PLK2: variants seen among roughly 807,000 people sequenced by gnomAD.
The protein encoded by PLK2 is polo like kinase 2.
Under a neutral mutation model 78.1 loss-of-function variants are expected in PLK2, and 25 were observed. The observed-to-expected ratio is 0.32, with a 90% CI of 0.23 to 0.45. PLK2 has a LOEUF of 0.45. Ranked by LOEUF, PLK2 falls within the 20% of genes least tolerant of loss-of-function variation. The probability of loss-of-function intolerance (pLI) is 1.00; values close to 1 mark genes in which losing one functional copy is unlikely to be tolerated. For missense variants in PLK2, 566 were observed against 840.2 expected, an observed-to-expected ratio of 0.67 and a Z score of 4.04; for synonymous variants, 332 against 298.2, an observed-to-expected ratio of 1.11 and a Z score of -1.17.
chr5:58,459,482 C>T lies in PLK2; in HGVS notation c.270+208G>A, dbSNP rs1406983388. The T allele has an allele frequency of 8.6e-6, 5 of 580,652 alleles. No individual in the cohort carries two copies. In the African/African-American group the frequency reaches 9.5e-5, roughly 11 times the overall value. The allele number at this position is 580,652 out of a possible 1,614,324, so 36.0% of individuals were successfully genotyped here. A position where few individuals can be genotyped will look rare whatever the true frequency, so the allele number is the denominator to read the frequency against. On this transcript the variant is annotated intron_variant, in intron 1 of 13. Coordinates refer to ENST00000274289, the MANE Select transcript of PLK2 (RefSeq NM_006622.4). The stretch of plus-strand genomic sequence containing the variant: ...ATTTCTCTGGGCTGCGGGAGACACA[C>T]AGTTCTGAGGCTAAGAATGCAAAGC...
chr5:58,454,744 T>C lies in PLK2; in HGVS notation c.1897A>G (p.Ile633Val). Residue 633 changes from isoleucine (I) to valine (V), a missense_variant, in exon 14 of 14, where the codon ATC becomes GTC. This residue lies in a region of PLK2 where 130 missense variants were observed against 196.4 expected (regional missense o/e 0.66). Transcript: ENST00000274289. ...TATTCTTCATTTTGGCTACAGATGA[T>C]GATTTTTGTATGATCATGGTAGAAA... ...VNFYHDHTKI[I>V]ICSQNEEYLL... 2 of 1,611,332 alleles carry C rather than the reference T, an allele frequency of 1.2e-6. No individual in the cohort carries two copies. Among genetic ancestry groups the C allele is most frequent in the Non-Finnish European group, 1.7e-6 (2 of 1,177,968 alleles).
chr5:58,458,318 A>C, intron 4 of PLK2, 81 bp downstream of exon 4: 2 of 1,483,258 alleles, frequency 1.3e-6, no homozygotes, highest in Non-Finnish European at 1.9e-6. Context: ...ATCCCAATTA[A>C]GAACATTAAT....
At position 58,457,473 on chromosome 5, in the gene PLK2, G is replaced by A. The variant is rs772587300; in HGVS notation, c.809+15C>T. 9 of 1,595,144 alleles carry A rather than the reference G, an allele frequency of 5.6e-6. 1 individual carries two copies. In the South Asian group the frequency reaches 7.7e-5, roughly 14 times the overall value. ...TCCGAATTTGCTTTTTAATTATTCT[G>A]CTGCATTTACTTACATTACACAGCC... On this transcript the variant is annotated intron_variant, in intron 6 of 13. Coordinates refer to ENST00000274289, the MANE Select transcript of PLK2 (RefSeq NM_006622.4).
rs1191473297 is a variant in PLK2 at position 58,457,503 on chromosome 5, G to C, written c.794C>G (p.Ala265Gly). Residue 265 changes from alanine (A) to glycine (G), a missense_variant, in exon 6 of 14, where the codon GCC becomes GGC. Transcript: ENST00000274289. ...QGHGCESDIW[A>G]LGCVMYTMLL... ...ATTTACTTACATTACACAGCCCAGG[G>C]CCCAAATGTCTGATTCACAGCCATG... 1.9e-6 allele frequency: 3 copies of C among 1,611,016 alleles called. No individual in the cohort carries two copies. The highest frequency in any genetic ancestry group is 2.5e-6 in the Non-Finnish European group (3 of 1,177,198).
At position 58,455,423 on chromosome 5, in the gene PLK2, A is replaced by C. The variant is rs765471214; in HGVS notation, c.1626-9T>G. 1 of 1,613,694 alleles carries C rather than the reference A, an allele frequency of 6.2e-7. No homozygotes were observed. Among genetic ancestry groups the C allele is most frequent in the Admixed American group, 1.7e-5 (1 of 59,912 alleles). On this transcript the variant is annotated splice_polypyrimidine_tract_variant and intron_variant, in intron 11 of 13. Coordinates refer to ENST00000274289, the MANE Select transcript of PLK2 (RefSeq NM_006622.4). ...CGTAATAGTGAACTGTTCTATAAAA[A>C]CAGGAACGAAAGGGAGAGAAGAGGA...
chr5:58,456,771 T>C (rs1273937409), intron 8 of PLK2, 174 bp downstream of exon 8: 6 of 626,174 alleles, frequency 9.6e-6, no homozygotes, highest in Non-Finnish European at 1.6e-5. Context: ...GTTTGCAAAA[T>C]AAAAAGCTAT....
At chr5:58,457,419 G>A (rs370337461) in intron 6 of PLK2, 40 bp from the exon 7 acceptor site, 31 of 1,577,828 alleles carry the variant, frequency 2.0e-5, no homozygotes, top group Non-Finnish European at 2.5e-5. Flanking sequence ...TGGTCATAAA[G>A]CAACTCTTTT....
intron 2 of PLK2, 22 bp from the exon 3 acceptor site, chr5:58,458,863 G>A (rs760246402): frequency 2.0e-6 from 3 of 1,464,496 alleles, no homozygotes; most frequent in Non-Finnish European, 1.9e-6. Context: ...AGCAAGGTAA[G>A]GCTTATTAGC....
Position 58,458,186 on chromosome 5 carries a change from AAACAAAATGTG to A in PLK2, c.626-26_626-16del. 1 of 1,550,598 alleles carries A rather than the reference AAACAAAATGTG, an allele frequency of 6.4e-7. No individual in the cohort carries two copies. The highest frequency in any genetic ancestry group is 1.1e-5 in the South Asian group (1 of 89,938). On this transcript the variant is annotated splice_polypyrimidine_tract_variant and intron_variant, in intron 4 of 13. Transcript: ENST00000274289. ...AAAAAAGTTCCCTAGACGATAAACA[AAACAAAATGTG>A]AATCCCTTTGAAAATGCGTTCTAAC... is the stretch of plus-strand genomic sequence containing the variant.
intron 1 of PLK2, 113 bp downstream of exon 1, chr5:58,459,577 A>AC: frequency 1.1e-6 from 1 of 913,702 alleles, no homozygotes; most frequent in South Asian, 1.8e-5. Flanking sequence ...CTGGGATCGG[A>AC]CCCCCGAAAA....
intron 10 of PLK2, 91 bp from the exon 11 acceptor site, chr5:58,455,870 T>C: frequency 1.3e-6 from 2 of 1,518,704 alleles, no homozygotes; most frequent in Non-Finnish European, 1.8e-6. Flanking sequence ...ACTCCATTAA[T>C]TCGAAAGACA....
intron 8 of PLK2, 118 bp downstream of exon 8, chr5:58,456,827 A>G: frequency 2.9e-6 from 2 of 690,800 alleles, no homozygotes; most frequent in South Asian, 2.1e-5. Context: ...AAATATCAAC[A>G]TTTAAGAATA....
At position 58,455,839 on chromosome 5, in the gene PLK2, C is replaced by A. The variant is rs1279582401; in HGVS notation, c.1385-60G>T. On this transcript the variant is annotated intron_variant, in intron 10 of 13. Transcript: ENST00000274289. Reference sequence around the variant, plus strand: ...AATATTTTAGCAATAAAACCTCAGGCTTTGGTAGATGCTAAGTTTCACTCC... The same window carrying A: ...AATATTTTAGCAATAAAACCTCAGGATTTGGTAGATGCTAAGTTTCACTCC... The A allele has an allele frequency of 3.1e-6, 5 of 1,589,204 alleles. No individual in the cohort carries two copies. In the East Asian group the frequency reaches 8.9e-5, roughly 28 times the overall value.
chr5:58,455,676 C>A lies in PLK2; in HGVS notation c.1488G>T (p.Gln496His). Residue 496 changes from glutamine (Q) to histidine (H), a missense_variant, in exon 11 of 14, where the codon CAG (glutamine) becomes CAT (histidine). Coordinates refer to ENST00000274289, the MANE Select transcript of PLK2 (RefSeq NM_006622.4). ...MPEADCIPKE[Q>H]LSTSFQWVTK... ...TGACCCACTGAAATGATGTGCTCAGCTGCTCTTTGGGAATGCAATCAGCTT... is the reference window on the plus strand; with the variant it reads ...TGACCCACTGAAATGATGTGCTCAGATGCTCTTTGGGAATGCAATCAGCTT... 3 of 1,614,122 alleles carry A rather than the reference C, an allele frequency of 1.9e-6. No homozygotes were observed. Among genetic ancestry groups the A allele is most frequent in the Non-Finnish European group, 2.5e-6 (3 of 1,180,014 alleles).
intron 10 of PLK2, 84 bp from the exon 11 acceptor site, chr5:58,455,863 C>A: frequency 6.5e-7 from 1 of 1,532,150 alleles, no homozygotes; most frequent in Non-Finnish European, 8.9e-7. Flanking sequence ...AAGTTTCACT[C>A]CATTAATTCG....
chr5:58,455,014 T>C lies in PLK2; in HGVS notation c.1763A>G (p.Asp588Gly). The change falls in exon 13 of 14, where the codon GAT becomes GGT. Residue 588 changes from aspartate (D) to glycine (G), a missense_variant. Transcript: ENST00000274289. ...TCGAATATCAGTAACACTAGGCAGA[T>C]CTCCACCCTGGAAGAGATTAGGAGA... The part of the protein sequence containing the change: ...YMEENLMDGG[D>G]LPSVTDIRRP... The C allele has an allele frequency of 6.3e-7, 1 of 1,595,094 alleles. No individual in the cohort carries two copies. Among genetic ancestry groups the C allele is most frequent in the South Asian group, 1.1e-5 (1 of 90,714 alleles).
At chr5:58,456,433 T>G in intron 9 of PLK2, 59 bp downstream of exon 9, 1 of 1,020,968 alleles carries the variant, frequency 9.8e-7, no homozygotes, top group Non-Finnish European at 1.5e-6. Context: ...AAGTGCTAAT[T>G]AATAAAGAGT....
chr5:58,458,477 G>C lies in PLK2; in HGVS notation c.547C>G (p.Arg183Gly). The change falls in exon 4 of 14, where the codon CGA (arginine) becomes GGA (glycine). Residue 183 changes from arginine to glycine, a missense_variant. Coordinates refer to ENST00000274289, the MANE Select transcript of PLK2 (RefSeq NM_006622.4). ...GACACAATCTGCCTGAGGTAGTATCGAACTTCTGGCTCTGTCAACACCTTT... is the reference window on the plus strand; with the variant it reads ...GACACAATCTGCCTGAGGTAGTATCCAACTTCTGGCTCTGTCAACACCTTT... ...ARKVLTEPEVRYYLRQIVSGL... is the reference protein window; with the variant it reads ...ARKVLTEPEVGYYLRQIVSGL... The C allele has an allele frequency of 6.2e-7, 1 of 1,611,794 alleles. No homozygotes were observed. The highest frequency in any genetic ancestry group is 8.5e-7 in the Non-Finnish European group (1 of 1,177,936).
chr5:58,458,324 T>G (rs772358095), intron 4 of PLK2, 75 bp downstream of exon 4: 1 of 1,509,114 alleles, frequency 6.6e-7, no homozygotes, highest in South Asian at 1.1e-5. Context: ...ATTAAGAACA[T>G]TAATATGTAA....
Sources: allele counts gnomAD v4.1 joint callset, GRCh38; gene constraint gnomAD v4.1.1; regional missense constraint gnomAD v4.1.1; transcripts MANE v1.5; gene names NCBI Gene and HGNC (gene_info 2026-07-23, HGNC 2026-07-21).